MYH11: variants seen among roughly 807,000 people sequenced by gnomAD.
MYH11 encodes the protein myosin-11.
MYH11 carries 80 observed loss-of-function variants against 246.6 expected under a neutral mutation model. The observed-to-expected ratio is 0.32, with a 90% CI of 0.27 to 0.39. The LOEUF (loss-of-function observed/expected upper bound fraction) is 0.39, where lower values mean the gene tolerates loss of function less well. Among genes scored for constraint, MYH11 ranks in the 10% least tolerant of loss-of-function variants. The pLI, the probability that MYH11 is intolerant of heterozygous loss-of-function variation, is 1.00. For synonymous variants in MYH11, 1,071 were observed against 1,015.5 expected (o/e 1.05, Z -1.04); for missense variants, 2,158 against 2,546.8 (o/e 0.85, Z 3.29).
At chr16:15,817,522 G>T (rs1339461489) in intron 3 of MYH11, among the ~76,000 whole-genome samples, 1 of 151,400 alleles carries the variant, frequency 6.6e-6, no homozygotes, top group Admixed American at 6.6e-5. Context: ...AAAAAAAAGG[G>T]GGGGAGAATT....
chr16:15,737,949 C>T (rs1158798851), intron 24 of MYH11, among the ~76,000 whole-genome samples: 1 of 152,046 alleles, frequency 6.6e-6, no homozygotes, highest in Non-Finnish European at 1.5e-5. Flanking sequence ...CCCGCCACCA[C>T]GCCTGGCTAA....
intron 8 of MYH11, 28 bp from the exon 9 acceptor site, chr16:15,771,740 T>C: frequency 6.2e-7 from 1 of 1,613,736 alleles, no homozygotes; most frequent in Non-Finnish European, 8.5e-7. Flanking sequence ...CAGGTCAGGG[T>C]CAATAAGACA....
intron 31 of MYH11, among the ~76,000 whole-genome samples, 159 bp downstream of exon 31, chr16:15,724,002 T>C (rs1251651568): frequency 6.6e-6 from 1 of 152,118 alleles, no homozygotes; most frequent in Non-Finnish European, 1.5e-5. Flanking sequence ...GCGTTAATGC[T>C]CCATGGTCGC....
intron 4 of MYH11, among the ~76,000 whole-genome samples, chr16:15,794,107 C>A (rs2042686744): frequency 6.8e-6 from 1 of 147,598 alleles, no homozygotes; most frequent in Admixed American, 6.9e-5. Flanking sequence ...CCATGCCCAG[C>A]TAATTTTTTT....
chr16:15,703,947 G>A lies in MYH11; in HGVS notation c.*44C>T, dbSNP rs376557282. 1.1e-4 allele frequency: 179 copies of A among 1,612,766 alleles called. No individual in the cohort carries two copies. Among genetic ancestry groups the A allele is most frequent in the Non-Finnish European group, 1.4e-4 (171 of 1,179,398 alleles). ...TGGGTTTTTTTTGTTTGTTTGTTTT[G>A]GTTTTTGGTTTTCTTGCCGTGGTGC... On this transcript the variant is annotated 3_prime_UTR_variant, in exon 41 of 41. Coordinates refer to ENST00000300036, the MANE Select transcript of MYH11 (RefSeq NM_002474.3).
rs756654732 is a variant in MYH11, at chr16:15,750,357, C to G, written c.1865-26G>C. ...CTATGGGGCACAGCCAGGGTGGCATCAGCCTCTGGCCCACCCACCCCTAAA... is the reference window on the plus strand; with the variant it reads ...CTATGGGGCACAGCCAGGGTGGCATGAGCCTCTGGCCCACCCACCCCTAAA... On this transcript the variant is annotated intron_variant, in intron 15 of 40. Coordinates refer to ENST00000300036, the MANE Select transcript of MYH11 (RefSeq NM_002474.3). The surrounding 1 kb of genome is among the most constrained non-coding windows in gnomAD (Gnocchi z 4.3). 1 of 1,565,304 alleles carries G rather than the reference C, an allele frequency of 6.4e-7. No homozygotes were observed. The highest frequency in any genetic ancestry group is 1.9e-5 in the Admixed American group (1 of 52,352).
At chr16:15,722,647 C>T (rs891880642) in intron 31 of MYH11, among the ~76,000 whole-genome samples, 3 of 152,182 alleles carry the variant, frequency 2.0e-5, no homozygotes, top group African/African-American at 7.2e-5. Flanking sequence ...AGAGGAGAAA[C>T]TGGGATGTTA....
At chr16:15,768,598 T>C (rs1210344579) in intron 9 of MYH11, among the ~76,000 whole-genome samples, 4 of 152,240 alleles carry the variant, frequency 2.6e-5, no homozygotes, top group Non-Finnish European at 5.9e-5. Flanking sequence ...CTGTGTACCA[T>C]CTGCTCCATT....
intron 3 of MYH11, among the ~76,000 whole-genome samples, chr16:15,813,180 CAA>C (rs913543733): frequency 6.6e-6 from 1 of 150,864 alleles, no homozygotes; most frequent in Non-Finnish European, 1.5e-5. Flanking sequence ...AACAAACAAA[CAA>C]AAAACAGTTG....
intron 38 of MYH11, among the ~76,000 whole-genome samples, chr16:15,716,674 A>C (rs2040167315): frequency 6.6e-6 from 1 of 152,166 alleles, no homozygotes; most frequent in South Asian, 2.1e-4. Flanking sequence ...GGCATGTGCC[A>C]CCACACTCGG....
At chr16:15,744,835 A>T (rs1179208993) in intron 20 of MYH11, among the ~76,000 whole-genome samples, 4 of 152,248 alleles carry the variant, frequency 2.6e-5, no homozygotes, top group African/African-American at 9.6e-5. Flanking sequence ...ACAGAACTGG[A>T]GAACAGAGTG....
At chr16:15,815,286 T>A (rs1311153025) in intron 3 of MYH11, among the ~76,000 whole-genome samples, 4 of 152,152 alleles carry the variant, frequency 2.6e-5, no homozygotes. Context: ...AAAATATGTA[T>A]CTTGGAGGAA....
chr16:15,833,488 G>A (rs2043809172), intron 2 of MYH11, among the ~76,000 whole-genome samples: 1 of 152,004 alleles, frequency 6.6e-6, no homozygotes, highest in Non-Finnish European at 1.5e-5. Context: ...GGACCCTTAG[G>A]ACCAGGCGTC....
chr16:15,778,991 T>A (rs2042287396), intron 6 of MYH11, 148 bp from the exon 7 acceptor site: 1 of 781,998 alleles, frequency 1.3e-6, no homozygotes, highest in Non-Finnish European at 2.2e-6. Flanking sequence ...CAGGTCAAGT[T>A]GTCAGGCGGA....
chr16:15,765,728 C>T (rs1023172564), intron 9 of MYH11, among the ~76,000 whole-genome samples: 3 of 152,166 alleles, frequency 2.0e-5, no homozygotes, highest in African/African-American at 7.2e-5. Flanking sequence ...GACCACCCAT[C>T]CATTTGCTCC....
chr16:15,825,542 G>A (rs1395492292), intron 2 of MYH11, among the ~76,000 whole-genome samples: 1 of 152,138 alleles, frequency 6.6e-6, no homozygotes, highest in Non-Finnish European at 1.5e-5. Context: ...CTGGGTGACA[G>A]AGCAAGACCC....
At chr16:15,720,788 A>G in intron 33 of MYH11, 51 bp downstream of exon 33, 2 of 1,580,572 alleles carry the variant, frequency 1.3e-6, no homozygotes, top group South Asian at 1.1e-5. Context: ...GGTGATAGGA[A>G]TGAAAAAGGC....
At chr16:15,743,347 T>G (rs1202856226) in intron 20 of MYH11, among the ~76,000 whole-genome samples, 10 of 152,156 alleles carry the variant, frequency 6.6e-5, no homozygotes, top group African/African-American at 2.4e-4. Flanking sequence ...TTTTGTATTT[T>G]CAGTAGAGAT....
chr16:15,853,813 A>G (rs1018877689), intron 1 of MYH11, among the ~76,000 whole-genome samples: 8 of 152,186 alleles, frequency 5.3e-5, no homozygotes, highest in African/African-American at 1.9e-4. Flanking sequence ...ACTTGAGGTC[A>G]GCGGTTCGAG....
Sources: gnomAD v4.1 joint callset for allele counts (sites outside exome capture counted in the v4.1 genomes callset) on GRCh38, gnomAD v4.1.1 for gene constraint, Gnocchi (gnomAD v3.1) non-coding constraint, MANE v1.5 for transcripts, NCBI Gene and HGNC (gene_info 2026-07-23, HGNC 2026-07-21) for gene names.